JARID2: variants seen among roughly 807,000 people sequenced by gnomAD.
JARID2 encodes jumonji and AT-rich interaction domain containing 2, also known as protein Jumonji.
Under a neutral mutation model 125.6 loss-of-function variants are expected in JARID2, and 21 were observed. That is an observed-to-expected ratio of 0.17 (90% CI 0.12 to 0.24). The LOEUF (loss-of-function observed/expected upper bound fraction) is 0.24, where lower values mean the gene tolerates loss of function less well. Ranked by LOEUF, JARID2 falls within the 10% of genes least tolerant of loss-of-function variation. The pLI is 1.00. For synonymous variants in JARID2, 736 were observed against 661.6 expected (o/e 1.11, Z -1.73); for missense variants, 1,303 against 1,639.6 (o/e 0.79, Z 3.55).
At chr6:15,301,369 G>A (rs1761617819) in intron 1 of JARID2, among the ~76,000 whole-genome samples, 1 of 152,112 alleles carries the variant, frequency 6.6e-6, no homozygotes, top group Non-Finnish European at 1.5e-5. Flanking sequence ...TATACATTTT[G>A]GCTTGAAATC....
At chr6:15,464,577 A>AC (rs1768619092) in intron 4 of JARID2, among the ~76,000 whole-genome samples, 2 of 151,870 alleles carry the variant, frequency 1.3e-5, no homozygotes, top group South Asian at 4.2e-4. Flanking sequence ...CTTGTGGGGT[A>AC]CCCCCCAGTG....
intron 1 of JARID2, among the ~76,000 whole-genome samples, chr6:15,349,574 A>G (rs1255840097): frequency 6.6e-6 from 1 of 152,188 alleles, no homozygotes; most frequent in Admixed American, 6.5e-5. Context: ...AGTTTTGGCC[A>G]AAGATCACTG....
intron 1 of JARID2, among the ~76,000 whole-genome samples, chr6:15,338,074 G>C (rs533821133): frequency 6.6e-6 from 1 of 152,194 alleles, no homozygotes; most frequent in Non-Finnish European, 1.5e-5. Flanking sequence ...GGGAGAAATG[G>C]AGGCGTAGGT....
At chr6:15,417,286 CTTG>C (rs541198608) in intron 3 of JARID2, among the ~76,000 whole-genome samples, 81 of 152,156 alleles carry the variant, frequency 5.3e-4, no homozygotes, top group Non-Finnish European at 7.9e-4. Context: ...TGAACATTTA[CTTG>C]TTGTGTTATA....
At chr6:15,257,743 C>T (rs1428592408) in intron 1 of JARID2, among the ~76,000 whole-genome samples, 3 of 152,152 alleles carry the variant, frequency 2.0e-5, no homozygotes, top group South Asian at 2.1e-4. Flanking sequence ...GTTAGGCCAG[C>T]GGGTTGGTTG....
At chr6:15,503,282 C>G (rs1770829981) in intron 8 of JARID2, among the ~76,000 whole-genome samples, 1 of 152,224 alleles carries the variant, frequency 6.6e-6, no homozygotes, top group Non-Finnish European at 1.5e-5. Context: ...AATTCAGTCC[C>G]TCCTTTTTTA....
intron 14 of JARID2, 40 bp downstream of exon 14, chr6:15,512,430 T>C (rs764192291): frequency 7.5e-6 from 12 of 1,592,954 alleles, no homozygotes; most frequent in Non-Finnish European, 9.5e-6. Context: ...TGCCCCCGCA[T>C]CCCTGTGAGT....
At chr6:15,392,595 T>A (rs575011739) in intron 2 of JARID2, among the ~76,000 whole-genome samples, 1 of 152,158 alleles carries the variant, frequency 6.6e-6, no homozygotes, top group African/African-American at 2.4e-5. Flanking sequence ...GTTGGAAACG[T>A]TCTGTGTCTG....
intron 3 of JARID2, among the ~76,000 whole-genome samples, chr6:15,426,560 A>T (rs1320448220): frequency 6.6e-6 from 1 of 152,210 alleles, no homozygotes; most frequent in African/African-American, 2.4e-5. Flanking sequence ...TTGGCTCCCA[A>T]ATCAGTCTAA....
chr6:15,366,651 T>C (rs1385301020), intron 1 of JARID2, among the ~76,000 whole-genome samples: 1 of 152,136 alleles, frequency 6.6e-6, no homozygotes, highest in African/African-American at 2.4e-5. Flanking sequence ...TGGTCTCCTA[T>C]GGCCCCATCA....
At chr6:15,283,254 A>T (rs1202420043) in intron 1 of JARID2, among the ~76,000 whole-genome samples, 1 of 150,378 alleles carries the variant, frequency 6.6e-6, no homozygotes, top group Non-Finnish European at 1.5e-5. Flanking sequence ...CTGGGATTAC[A>T]GGTGTGAGCC....
At chr6:15,503,026 C>T (rs184959743) in intron 8 of JARID2, among the ~76,000 whole-genome samples, 24 of 152,328 alleles carry the variant, frequency 1.6e-4, no homozygotes, top group African/African-American at 5.3e-4. Flanking sequence ...ATTCTGTGAG[C>T]GTATGTTTGA....
chr6:15,504,447 C>T (rs1288612393), intron 8 of JARID2, 53 bp from the exon 9 acceptor site: 2 of 1,360,472 alleles, frequency 1.5e-6, no homozygotes, highest in East Asian at 2.3e-5. Context: ...GCCTCATTTG[C>T]AGTAGGGTTC....
chr6:15,462,610 T>C (rs1285302919), intron 4 of JARID2, among the ~76,000 whole-genome samples: 1 of 152,252 alleles, frequency 6.6e-6, no homozygotes, highest in Non-Finnish European at 1.5e-5. Context: ...TTTCATTCTG[T>C]TTATGTATCC....
intron 1 of JARID2, among the ~76,000 whole-genome samples, chr6:15,321,780 C>CT (rs1762364439): frequency 3.6e-5 from 3 of 83,692 alleles, no homozygotes; most frequent in Admixed American, 1.4e-4. Context: ...TGGAAGAATT[C>CT]TTGTTTTTTT....
intron 1 of JARID2, among the ~76,000 whole-genome samples, chr6:15,360,205 C>CT (rs1244674409): frequency 2.0e-5 from 3 of 151,354 alleles, no homozygotes; most frequent in Admixed American, 1.3e-4. Flanking sequence ...TTTTTTGAGA[C>CT]TGAGTCTCAC....
intron 3 of JARID2, among the ~76,000 whole-genome samples, chr6:15,415,697 AC>A (rs1375706613): frequency 1.5e-5 from 1 of 68,880 alleles, no homozygotes. Flanking sequence ...CGGGGGGCTG[AC>A]CCCCCCACCT....
At chr6:15,311,314 A>G (rs1434707897) in intron 1 of JARID2, among the ~76,000 whole-genome samples, 7 of 152,214 alleles carry the variant, frequency 4.6e-5, no homozygotes, top group Admixed American at 4.6e-4. Context: ...ACGGTGGCTC[A>G]TGCCTGTAAT....
chr6:15,259,945 C>T (rs893734734), intron 1 of JARID2, among the ~76,000 whole-genome samples: 1 of 151,972 alleles, frequency 6.6e-6, no homozygotes, highest in African/African-American at 2.4e-5. Context: ...AGTAGTTGTT[C>T]ATTCATCTCA....
Sources: gnomAD v4.1 joint callset for allele counts (sites outside exome capture counted in the v4.1 genomes callset) on GRCh38, gnomAD v4.1.1 for gene constraint, MANE v1.5 for transcripts, NCBI Gene and HGNC (gene_info 2026-07-23, HGNC 2026-07-21) for gene names.